The following NTNG1 variants were observed in gnomAD, a reference collection of about 807,000 sequenced individuals.
NTNG1 encodes netrin-G1.
Under a neutral mutation model 54.0 loss-of-function variants are expected in NTNG1, and 16 were observed. That is an observed-to-expected ratio of 0.30 (90% CI 0.20 to 0.45). The LOEUF is 0.45. Among genes scored for constraint, NTNG1 ranks in the 20% least tolerant of loss-of-function variants. NTNG1 has a pLI of 1.00. For missense variants in NTNG1, 530 were observed against 678.7 expected, an observed-to-expected ratio of 0.78 and a Z score of 2.43; for synonymous variants, 255 against 263.1, an observed-to-expected ratio of 0.97 and a Z score of 0.30.
rs536503814 is a variant in NTNG1 at position 107,292,976 on chromosome 1, C to T, written c.247-31306C>T. On this transcript the variant is annotated intron_variant, in intron 2 of 7. Transcript: ENST00000370068. ...TAAAACTTGCCTTCATCTCTCCTTCCGCCTTATGCCCTTCAGATGAATTCT... is the reference window on the plus strand; with the variant it reads ...TAAAACTTGCCTTCATCTCTCCTTCTGCCTTATGCCCTTCAGATGAATTCT... 7.2e-5 allele frequency among the ~76,000 whole-genome samples: 11 copies of T among 152,242 alleles called. No homozygotes were observed. The East Asian group carries it at 9.7e-4, about 13-fold the overall frequency.
intron 2 of NTNG1, among the ~76,000 whole-genome samples, chr1:107,259,834 A>G (rs1663184904): frequency 6.6e-6 from 1 of 152,118 alleles, no homozygotes; most frequent in Non-Finnish European, 1.5e-5. Context: ...TCTTCTTTAA[A>G]TAATTATTAA....
At chr1:107,420,947 CA>C (rs1180478938) in intron 5 of NTNG1, 44 of 635,636 alleles carry the variant, frequency 6.9e-5, no homozygotes, top group African/African-American at 6.6e-4. Context: ...GTGATTGAAA[CA>C]AACTCCTAGA....
chr1:107,235,820 G>A (rs1186077834), intron 2 of NTNG1, among the ~76,000 whole-genome samples: 3 of 152,170 alleles, frequency 2.0e-5, no homozygotes, highest in African/African-American at 7.2e-5. Context: ...GAGATGGTGG[G>A]AGGGAGATTA....
chr1:107,460,477 A>G (rs1677216383), intron 7 of NTNG1: 3 of 510,504 alleles, frequency 5.9e-6, no homozygotes. Flanking sequence ...TTTTCTATTT[A>G]GGAAATGAAA....
intron 7 of NTNG1, among the ~76,000 whole-genome samples, chr1:107,465,347 C>CT (rs1381593419): frequency 2.8e-4 from 42 of 152,350 alleles, no homozygotes; most frequent in African/African-American, 9.9e-4. Context: ...ACGGACTGCT[C>CT]TGTCATGCAC....
chr1:107,146,796 C>A (rs986176360), intron 1 of NTNG1, among the ~76,000 whole-genome samples: 14 of 151,792 alleles, frequency 9.2e-5, no homozygotes, highest in Non-Finnish European at 1.9e-4. Context: ...ACAATTCAAC[C>A]ATCTGTTGGC....
intron 2 of NTNG1, among the ~76,000 whole-genome samples, chr1:107,302,093 A>G (rs977737658): frequency 1.2e-4 from 18 of 152,118 alleles, no homozygotes; most frequent in African/African-American, 3.6e-4. Flanking sequence ...CCTAGGACCA[A>G]CGTCCACCCC....
At chr1:107,282,865 A>C (rs1185387302) in intron 2 of NTNG1, among the ~76,000 whole-genome samples, 1 of 152,146 alleles carries the variant, frequency 6.6e-6, no homozygotes, top group Non-Finnish European at 1.5e-5. Flanking sequence ...GGAGGCTGGC[A>C]AGTCCAAGAT....
chr1:107,289,992 T>A (rs751850872), intron 2 of NTNG1, among the ~76,000 whole-genome samples: 13 of 152,318 alleles, frequency 8.5e-5, no homozygotes, highest in South Asian at 6.2e-4. Context: ...AGTATTGACC[T>A]CAACATATGA....
intron 3 of NTNG1, among the ~76,000 whole-genome samples, chr1:107,389,775 G>A (rs1010396325): frequency 6.6e-6 from 1 of 152,200 alleles, no homozygotes; most frequent in African/African-American, 2.4e-5. Flanking sequence ...CAGAATCGGT[G>A]AATAGACTTG....
At chr1:107,291,758 A>G (rs1665618686) in intron 2 of NTNG1, among the ~76,000 whole-genome samples, 1 of 152,182 alleles carries the variant, frequency 6.6e-6, no homozygotes, top group Non-Finnish European at 1.5e-5. Flanking sequence ...ATGTGAATAC[A>G]TTTTCTAAAT....
At position 107,483,612 on chromosome 1, in the gene NTNG1, GC is replaced by G. The variant is rs1243769311; in HGVS notation, c.*2775del. 8.5e-5 allele frequency among the ~76,000 whole-genome samples: 13 copies of G among 152,124 alleles called. No individual in the cohort carries two copies. The highest frequency in any genetic ancestry group is 7.2e-4 in the Admixed American group (11 of 15,268). ...AAGCTGGTTTCATCTACAATGTTGT[GC>G]CCTAAGAACAGGACTGGGGTGAAAA... On this transcript the variant is annotated 3_prime_UTR_variant, in exon 8 of 8. Transcript: ENST00000370068.
In NTNG1 at chr1:107,403,868, G is replaced by A. The variant is rs556794321; in HGVS notation, c.1061-3814G>A. On this transcript the variant is annotated intron_variant, in intron 4 of 7. Transcript: ENST00000370068. ...TTTGTGCCTCTTCTATAAAATGAAA[G>A]GGCTGAAGAAGATGATGTCTTAAAT... Among the ~76,000 whole-genome samples, 5 of 152,080 alleles carry A rather than the reference G, an allele frequency of 3.3e-5. No homozygotes were observed. In the East Asian group the frequency reaches 9.7e-4, roughly 29 times the overall value.
chr1:107,394,983 C>A (rs576771708), intron 3 of NTNG1, among the ~76,000 whole-genome samples, 171 bp from the exon 4 acceptor site: 1 of 152,064 alleles, frequency 6.6e-6, no homozygotes, highest in Non-Finnish European at 1.5e-5. Flanking sequence ...CCCCTGCAAA[C>A]GGCTCTTTTG....
At chr1:107,206,111 G>A (rs1029335641) in intron 2 of NTNG1, among the ~76,000 whole-genome samples, 1 of 151,904 alleles carries the variant, frequency 6.6e-6, no homozygotes, top group African/African-American at 2.4e-5. Context: ...TTTCTATTAG[G>A]TGTATACCTT....
chr1:107,475,824 G>A (rs749287901), intron 7 of NTNG1, among the ~76,000 whole-genome samples: 4 of 152,016 alleles, frequency 2.6e-5, no homozygotes, highest in Admixed American at 6.6e-5. Context: ...TCCTGGCCTC[G>A]CTATACACAT....
rs895745557 is a variant in NTNG1 at position 107,481,145 on chromosome 1, CA to C, written c.*311del. ...GCGACAGCCCCCCAAACAGGAAAGA[CA>C]AAAAACAAACAAATCAACCGACCTA... On this transcript the variant is annotated 3_prime_UTR_variant, in exon 8 of 8. Transcript: ENST00000370068. The C allele has an allele frequency of 4.9e-6, 2 of 412,152 alleles. No homozygotes were observed. Among genetic ancestry groups the C allele is most frequent in the African/African-American group, 2.0e-5 (1 of 50,548 alleles). 25.5% of individuals were successfully genotyped at this position (412,152 alleles called of 1,614,324 possible). A position where few individuals can be genotyped will look rare whatever the true frequency, so the allele number is the denominator to read the frequency against.
At chr1:107,376,747 G>A (rs1425730491) in intron 3 of NTNG1, among the ~76,000 whole-genome samples, 1 of 152,102 alleles carries the variant, frequency 6.6e-6, no homozygotes, top group Non-Finnish European at 1.5e-5. Flanking sequence ...AGTATCTCGA[G>A]TGAACCTTAC....
At chr1:107,369,119 A>T (rs539764330) in intron 3 of NTNG1, among the ~76,000 whole-genome samples, 15 of 152,222 alleles carry the variant, frequency 9.9e-5, no homozygotes, top group African/African-American at 3.6e-4. Flanking sequence ...CACTTTATTG[A>T]TGTGTATTAT....
Sources: gnomAD v4.1 joint callset for allele counts (sites outside exome capture counted in the v4.1 genomes callset) on GRCh38, gnomAD v4.1.1 for gene constraint, MANE v1.5 for transcripts, NCBI Gene and HGNC (gene_info 2026-07-23, HGNC 2026-07-21) for gene names.